The following MUL1 variants were observed in gnomAD, a reference collection of about 807,000 sequenced individuals.
MUL1 encodes the protein mitochondrial ubiquitin ligase activator of NFKB 1.
A neutral mutation model predicts 34.1 loss-of-function variants in MUL1; 30 were observed. The ratio of observed to expected loss-of-function variants is 0.88; its 90% CI spans 0.66 to 1.19. The LOEUF is 1.19. MUL1 is among the 50% of genes most tolerant of loss of function. The pLI, the probability that MUL1 is intolerant of heterozygous loss-of-function variation, is 0.00. For synonymous variants in MUL1, 191 were observed against 187.8 expected (o/e 1.02, Z -0.14); for missense variants, 419 against 450.5 (o/e 0.93, Z 0.63).
In MUL1 at chr1:20,500,439, G is replaced by A. The variant is rs2101114099; in HGVS notation, c.*251C>T. 1 of 433,756 alleles carries A rather than the reference G, an allele frequency of 2.3e-6. No individual in the cohort carries two copies. Among genetic ancestry groups the A allele is most frequent in the Non-Finnish European group, 4.1e-6 (1 of 243,584 alleles). 26.9% of individuals were successfully genotyped at this position (433,756 alleles called of 1,614,324 possible). ...CTCGCACTGATCTGGCTCCTGGGAG[G>A]AGACGCCACGGCATCCTCCCAGGGT... On this transcript the variant is annotated 3_prime_UTR_variant, in exon 4 of 4. Transcript: ENST00000264198.
In MUL1 at chr1:20,507,954, G is replaced by C. The variant is rs2051733895; in HGVS notation, c.71C>G (p.Ala24Gly). The change falls in exon 1 of 4, where the codon GCC (alanine) becomes GGC (glycine). Residue 24 changes from alanine (A) to glycine (G), a missense_variant. Ala to Gly is a moderately conservative substitution (Grantham distance 60, BLOSUM62 0). Coordinates refer to ENST00000264198, the MANE Select transcript of MUL1 (RefSeq NM_024544.3). ...LLGTTSVVTAALYSVYRQKAR... is the reference protein window; with the variant it reads ...LLGTTSVVTAGLYSVYRQKAR... The stretch of plus-strand genomic sequence containing the variant: ...CTTCTGCCGGTACACGGAGTACAGG[G>C]CGGCGGTGACCACAGAGGTGGTGCC... 3 of 1,596,522 alleles carry C rather than the reference G, an allele frequency of 1.9e-6. No homozygotes were observed. In the East Asian group the frequency reaches 6.8e-5, roughly 36 times the overall value.
In MUL1 at chr1:20,508,084, C is replaced by T. The variant is rs1192597132; in HGVS notation, c.-60G>A. 14 of 1,546,840 alleles carry T rather than the reference C, an allele frequency of 9.1e-6. No homozygotes were observed. The highest frequency in any genetic ancestry group is 1.1e-5 in the Non-Finnish European group (13 of 1,146,012). ...CAAGGATAGGCCTGGTGACCCCCGACTCTCCACCTCCTTCCGACCAGGACC... is the reference window on the plus strand; with the variant it reads ...CAAGGATAGGCCTGGTGACCCCCGATTCTCCACCTCCTTCCGACCAGGACC... On this transcript the variant is annotated 5_prime_UTR_variant, in exon 1 of 4. Transcript: ENST00000264198.
chr1:20,500,251 C>G lies in MUL1; in HGVS notation c.*439G>C, dbSNP rs1043179582. ...GCAGAGTCTCTTCGGAGGCAGCACC[C>G]AAGGCATCCGTTGTACTCGGGGCCC... On this transcript the variant is annotated 3_prime_UTR_variant, in exon 4 of 4. Transcript: ENST00000264198. 6.4e-6 allele frequency: 1 copy of G among 155,464 alleles called. No homozygotes were observed. The highest frequency in any genetic ancestry group is 1.4e-5 in the Non-Finnish European group (1 of 70,664). The allele number at this position is 155,464 out of a possible 1,614,324, so 9.6% of individuals were successfully genotyped here. A position where few individuals can be genotyped will look rare whatever the true frequency, so the allele number is the denominator to read the frequency against.
chr1:20,507,899 ACT>A lies in MUL1; in HGVS notation c.120+4_120+5del, dbSNP rs778662772. The stretch of plus-strand genomic sequence containing the variant: ...CGGCTGAGGCCAGGCCGGCTCCAGC[ACT>A]GACCTTGAGCTCTTGGGAGACCCGG... On this transcript the variant is annotated splice_donor_5th_base_variant and intron_variant, in intron 1 of 3. Transcript: ENST00000264198. 24 of 1,597,434 alleles carry A rather than the reference ACT, an allele frequency of 1.5e-5. No individual in the cohort carries two copies. In the East Asian group the frequency reaches 5.4e-4, roughly 36 times the overall value.
intron 1 of MUL1, among the ~76,000 whole-genome samples, chr1:20,504,369 TC>T (rs1327606054): frequency 6.6e-6 from 1 of 152,202 alleles, no homozygotes; most frequent in African/African-American, 2.4e-5. Context: ...TTCCTGAGCA[TC>T]TTTGTGCCAG....
In MUL1 at chr1:20,503,225, C is replaced by G. The variant is rs1339748537; in HGVS notation, c.205G>C (p.Glu69Gln). The change falls in exon 2 of 4, where the codon GAA becomes CAA. Residue 69 changes from glutamate to glutamine, a missense_variant. Physicochemically the swap from Glu to Gln is conservative, Grantham distance 29 (BLOSUM62 2). Transcript: ENST00000264198. Reference sequence around the variant, plus strand: ...ATTGACCAATAAGCAAACATACCTTCTATAACAGCATAAGGCACGCATTTT... The same window carrying G: ...ATTGACCAATAAGCAAACATACCTTGTATAACAGCATAAGGCACGCATTTT... ...PGKCVPYAVI[E>Q]GAVRSVKETL... The G allele has an allele frequency of 1.9e-6, 3 of 1,594,910 alleles. No individual in the cohort carries two copies. The African/African-American group carries it at 4.0e-5, about 22-fold the overall frequency.
intron 3 of MUL1, 58 bp downstream of exon 3, chr1:20,502,011 C>A: frequency 6.2e-7 from 1 of 1,607,454 alleles, no homozygotes; most frequent in Non-Finnish European, 8.5e-7. Flanking sequence ...CACCCAGGAC[C>A]CCAGCATTTG....
rs1024184961 is a variant in MUL1 at position 20,501,511 on chromosome 1, G to T, written c.330-92C>A. 2.1e-6 allele frequency: 3 copies of T among 1,396,330 alleles called. No homozygotes were observed. Among genetic ancestry groups the T allele is most frequent in the Non-Finnish European group, 2.9e-6 (3 of 1,032,092 alleles). 86.5% of individuals were successfully genotyped at this position (1,396,330 alleles called of 1,614,324 possible). ...CAACTAAATGTGGAGGACAGCATAT[G>T]GTCTGAAGTAACTGGAAGAAGACAG... On this transcript the variant is annotated intron_variant, in intron 3 of 3. Transcript: ENST00000264198. This position sits in a 1 kb window ranked among gnomAD's most constrained non-coding sequence, Gnocchi z 4.2.
rs1303174722 is a variant in MUL1, at chr1:20,502,051, TGGA to T, written c.329+15_329+17del. The stretch of plus-strand genomic sequence containing the variant: ...GACCAACTGCAAGGGTTTTGGCCAG[TGGA>T]GAAGTGATACATACCAAAGGTGGGT... On this transcript the variant is annotated intron_variant, in intron 3 of 3. Coordinates refer to ENST00000264198, the MANE Select transcript of MUL1 (RefSeq NM_024544.3). The T allele has an allele frequency of 1.2e-5, 19 of 1,612,678 alleles. No homozygotes were observed. Among genetic ancestry groups the T allele is most frequent in the Non-Finnish European group, 1.5e-5 (18 of 1,179,812 alleles).
intron 1 of MUL1, among the ~76,000 whole-genome samples, chr1:20,507,585 C>G (rs539766422): frequency 1.3e-5 from 2 of 152,196 alleles, no homozygotes; most frequent in Non-Finnish European, 2.9e-5. Context: ...GGTATCTCCA[C>G]GAGGGGATGG....
chr1:20,503,376 G>T, intron 1 of MUL1, 67 bp from the exon 2 acceptor site: 1 of 901,292 alleles, frequency 1.1e-6, no homozygotes. Flanking sequence ...AAACTTACAG[G>T]CAAAAAAAAG....
At chr1:20,504,784 A>C (rs901931179) in intron 1 of MUL1, among the ~76,000 whole-genome samples, 2 of 152,234 alleles carry the variant, frequency 1.3e-5, no homozygotes, top group African/African-American at 4.8e-5. Flanking sequence ...AAATTAATGA[A>C]TAAGTAAGCA....
chr1:20,504,891 CCAATTACAGA>C (rs2051697796), intron 1 of MUL1, among the ~76,000 whole-genome samples: 1 of 152,184 alleles, frequency 6.6e-6, no homozygotes, highest in African/African-American at 2.4e-5. Context: ...ATTATTATCA[CCAATTACAGA>C]CAAGGAAACA....
chr1:20,506,014 C>T (rs1397355954), intron 1 of MUL1, among the ~76,000 whole-genome samples: 1 of 152,174 alleles, frequency 6.6e-6, no homozygotes, highest in African/African-American at 2.4e-5. Context: ...CCAATTGCCT[C>T]ATAACTTGGT....
Position 20,503,329 on chromosome 1 carries a change from T to A in MUL1, c.121-20A>T. The A allele has an allele frequency of 3.6e-6, 5 of 1,382,858 alleles. No homozygotes were observed. The highest frequency in any genetic ancestry group is 4.0e-6 in the Non-Finnish European group (4 of 996,730). The allele number at this position is 1,382,858 out of a possible 1,614,324, so 85.7% of individuals were successfully genotyped here. ...AGCTCCCTAAATAAAAAAAAAAAAT[T>A]AAATTAATTGGCCATTGAACACTGA... On this transcript the variant is annotated intron_variant, in intron 1 of 3. Transcript: ENST00000264198.
chr1:20,507,842 T>C (rs1001981867), intron 1 of MUL1, 63 bp downstream of exon 1: 4 of 1,549,896 alleles, frequency 2.6e-6, no homozygotes, highest in Non-Finnish European at 3.5e-6. Context: ...AGGTGAATCA[T>C]GGGCTCCCCA....
Position 20,499,694 on chromosome 1 carries a change from C to G in MUL1, c.*996G>C, listed in dbSNP as rs779179810. On this transcript the variant is annotated 3_prime_UTR_variant, in exon 4 of 4. Coordinates refer to ENST00000264198, the MANE Select transcript of MUL1 (RefSeq NM_024544.3). Reference sequence around the variant, plus strand: ...GGCAGGTGAGGGGCAAATGGTAATACTGGGAGGGGGTAACACAAGGAGAAG... The same window carrying G: ...GGCAGGTGAGGGGCAAATGGTAATAGTGGGAGGGGGTAACACAAGGAGAAG... 1 of 151,896 alleles carries G rather than the reference C, an allele frequency of 6.6e-6. No homozygotes were observed. The highest frequency in any genetic ancestry group is 1.5e-5 in the Non-Finnish European group (1 of 68,006). The allele number at this position is 151,896 out of a possible 1,614,324, so 9.4% of individuals were successfully genotyped here. A position where few individuals can be genotyped will look rare whatever the true frequency, so the allele number is the denominator to read the frequency against.
chr1:20,507,958 C>T lies in MUL1; in HGVS notation c.67G>A (p.Ala23Thr), dbSNP rs1346544072. Residue 23 changes from alanine (A) to threonine (T), a missense_variant, in exon 1 of 4, where the codon GCC becomes ACC. Physicochemically the swap from Ala to Thr is moderately conservative, Grantham distance 58. Coordinates refer to ENST00000264198, the MANE Select transcript of MUL1 (RefSeq NM_024544.3). The stretch of plus-strand genomic sequence containing the variant: ...TGCCGGTACACGGAGTACAGGGCGG[C>T]GGTGACCACAGAGGTGGTGCCCAGG... ...ILLGTTSVVT[A>T]ALYSVYRQKA... 3.2e-5 allele frequency: 51 copies of T among 1,595,660 alleles called. No individual in the cohort carries two copies. Among genetic ancestry groups the T allele is most frequent in the Non-Finnish European group, 4.1e-5 (48 of 1,172,072 alleles).
At chr1:20,505,300 C>G (rs1013103479) in intron 1 of MUL1, among the ~76,000 whole-genome samples, 2 of 152,004 alleles carry the variant, frequency 1.3e-5, no homozygotes, top group African/African-American at 4.8e-5. Context: ...AAAATAGAAT[C>G]TAGGACAGGC....
Sources: gnomAD v4.1 joint callset for allele counts (sites outside exome capture counted in the v4.1 genomes callset) on GRCh38, gnomAD v4.1.1 for gene constraint, Gnocchi (gnomAD v3.1) non-coding constraint, MANE v1.5 for transcripts, NCBI Gene and HGNC (gene_info 2026-07-23, HGNC 2026-07-21) for gene names.